PTPN13: variants seen among roughly 807,000 people sequenced by gnomAD.
PTPN13 encodes protein tyrosine phosphatase non-receptor type 13.
Under a neutral mutation model 284.0 loss-of-function variants are expected in PTPN13, and 191 were observed. The ratio of observed to expected loss-of-function variants is 0.67; its 90% CI spans 0.60 to 0.76. PTPN13 has a LOEUF of 0.76. Ranked by LOEUF, PTPN13 falls within the 30% of genes least tolerant of loss-of-function variation. PTPN13 has a pLI of 0.00. For missense variants in PTPN13, 2,797 were observed against 2,939.9 expected, an observed-to-expected ratio of 0.95 and a Z score of 1.12; for synonymous variants, 986 against 1,022.3, an observed-to-expected ratio of 0.96 and a Z score of 0.68.
At chr4:86,655,094 G>C (rs931380880) in intron 2 of PTPN13, among the ~76,000 whole-genome samples, 1 of 152,052 alleles carries the variant, frequency 6.6e-6, no homozygotes, top group Non-Finnish European at 1.5e-5. Context: ...CATTTGCTTG[G>C]TAGATCTTCC....
At chr4:86,605,137 T>A (rs115575054) in intron 1 of PTPN13, among the ~76,000 whole-genome samples, 1,639 of 151,964 alleles carry the variant, frequency 0.011, 22 homozygotes, top group Non-Finnish European at 0.017. Context: ...GAGAAAAGGA[T>A]GAGGACAGAG....
intron 2 of PTPN13, among the ~76,000 whole-genome samples, chr4:86,663,903 G>C (rs1472311130): frequency 6.6e-6 from 1 of 152,128 alleles, no homozygotes. Flanking sequence ...ATCAGGAAAG[G>C]ATATAAAGTC....
At chr4:86,749,527 T>C (rs1382641823) in intron 17 of PTPN13, among the ~76,000 whole-genome samples, 1 of 152,246 alleles carries the variant, frequency 6.6e-6, no homozygotes, top group Non-Finnish European at 1.5e-5. Context: ...TTTGAAATCC[T>C]TTGCTCCTAT....
At chr4:86,695,405 A>C (rs1730493705) in intron 6 of PTPN13, among the ~76,000 whole-genome samples, 1 of 151,972 alleles carries the variant, frequency 6.6e-6, no homozygotes, top group South Asian at 2.1e-4. Flanking sequence ...TTTTTATACT[A>C]TTCTAGGATT....
At chr4:86,739,424 CAAGAG>C (rs1374981980) in intron 15 of PTPN13, among the ~76,000 whole-genome samples, 3 of 152,200 alleles carry the variant, frequency 2.0e-5, no homozygotes, top group Admixed American at 2.0e-4. Context: ...TGGCAGCAGA[CAAGAG>C]AAGAGAGCTT....
intron 9 of PTPN13, 145 bp downstream of exon 9, chr4:86,717,262 C>T (rs1391523490): frequency 1.7e-6 from 1 of 582,362 alleles, no homozygotes; most frequent in Non-Finnish European, 3.0e-6. Context: ...AATCTCGGCT[C>T]ACTGCAACCT....
intron 2 of PTPN13, among the ~76,000 whole-genome samples, chr4:86,669,276 G>A (rs1269175257): frequency 9.9e-6 from 1 of 101,232 alleles, no homozygotes; most frequent in Non-Finnish European, 1.9e-5. Context: ...GTAATGTTGG[G>A]AAGAAGATGT....
At chr4:86,628,863 T>A (rs1282471697) in intron 1 of PTPN13, among the ~76,000 whole-genome samples, 20 of 150,374 alleles carry the variant, frequency 1.3e-4, no homozygotes, top group Non-Finnish European at 2.8e-4. Flanking sequence ...TAGTATTCCA[T>A]GGTGTATATG....
intron 1 of PTPN13, among the ~76,000 whole-genome samples, chr4:86,617,163 C>T (rs1040464083): frequency 6.6e-6 from 1 of 152,138 alleles, no homozygotes; most frequent in East Asian, 1.9e-4. Flanking sequence ...ACCCTATTTT[C>T]ATAATTTTCT....
chr4:86,774,327 A>T, intron 32 of PTPN13, 46 bp from the exon 33 acceptor site: 1 of 1,496,532 alleles, frequency 6.7e-7, no homozygotes, highest in South Asian at 1.2e-5. Context: ...GTTTGTCTAT[A>T]GTGCAGAATA....
intron 10 of PTPN13, among the ~76,000 whole-genome samples, chr4:86,723,656 A>G (rs1331057302): frequency 6.6e-6 from 1 of 152,174 alleles, no homozygotes; most frequent in African/African-American, 2.4e-5. Flanking sequence ...TTACCCTCCC[A>G]AAAGTTTGTG....
chr4:86,688,647 A>C (rs1192929575), intron 4 of PTPN13, among the ~76,000 whole-genome samples: 1 of 152,094 alleles, frequency 6.6e-6, no homozygotes, highest in Non-Finnish European at 1.5e-5. Context: ...TAATATTAGG[A>C]AACAGTTTAT....
chr4:86,763,236 A>G, intron 24 of PTPN13, 46 bp downstream of exon 24: 2 of 1,431,258 alleles, frequency 1.4e-6, no homozygotes, highest in Non-Finnish European at 1.9e-6. Context: ...TAACAAAGCA[A>G]AATAGCAGCA....
intron 9 of PTPN13, 140 bp downstream of exon 9, chr4:86,717,257 C>A (rs1028877457): frequency 8.6e-6 from 5 of 584,106 alleles, no homozygotes; most frequent in Non-Finnish European, 1.5e-5. Flanking sequence ...GGCGCAATCT[C>A]GGCTCACTGC....
intron 10 of PTPN13, among the ~76,000 whole-genome samples, chr4:86,729,563 T>G (rs1298199536): frequency 6.7e-6 from 1 of 149,666 alleles, no homozygotes; most frequent in Non-Finnish European, 1.5e-5. Flanking sequence ...TCTCTAATCT[T>G]GTCTTCTCGC....
intron 1 of PTPN13, among the ~76,000 whole-genome samples, chr4:86,616,007 C>T (rs1219482768): frequency 6.6e-6 from 1 of 152,118 alleles, no homozygotes; most frequent in African/African-American, 2.4e-5. Context: ...GATGCAGTGC[C>T]TTGTAAATAA....
At chr4:86,766,194 A>T (rs1739292904) in intron 26 of PTPN13, among the ~76,000 whole-genome samples, 1 of 152,182 alleles carries the variant, frequency 6.6e-6, no homozygotes, top group Admixed American at 6.5e-5. Context: ...TTTATAGTTC[A>T]ACTTATCTTC....
intron 7 of PTPN13, among the ~76,000 whole-genome samples, chr4:86,709,676 GT>G (rs1253637933): frequency 6.6e-6 from 1 of 152,242 alleles, no homozygotes; most frequent in East Asian, 1.9e-4. Context: ...CTCTTTGAAA[GT>G]TTTGAAAAAG....
chr4:86,774,248 T>G (rs1740344588), intron 32 of PTPN13, 125 bp from the exon 33 acceptor site: 2 of 910,214 alleles, frequency 2.2e-6, no homozygotes, highest in Non-Finnish European at 3.2e-6. Context: ...CTTCTTCACT[T>G]GGACAAGTTA....
Sources: gnomAD v4.1 joint callset for allele counts (sites outside exome capture counted in the v4.1 genomes callset) on GRCh38, gnomAD v4.1.1 for gene constraint, MANE v1.5 for transcripts, NCBI Gene and HGNC (gene_info 2026-07-23, HGNC 2026-07-21) for gene names.